The following DLGAP2 variants were observed in gnomAD, a reference collection of about 807,000 sequenced individuals.
DLGAP2 encodes disks large-associated protein 2.
In DLGAP2, 26 loss-of-function variants were observed where a neutral mutation model predicts 100.3. The ratio of observed to expected loss-of-function variants is 0.26; its 90% CI spans 0.19 to 0.36. DLGAP2 has a LOEUF of 0.36. Among genes scored for constraint, DLGAP2 ranks in the 10% least tolerant of loss-of-function variants. The pLI is 1.00. For missense variants in DLGAP2, 1,858 were observed against 1,453.2 expected (o/e 1.28, Z -4.53); for synonymous variants, 886 against 630.1 (o/e 1.41, Z -6.08).
chr8:1,519,390 T>C (rs1800509911), intron 4 of DLGAP2, among the ~76,000 whole-genome samples: 2 of 152,204 alleles, frequency 1.3e-5, no homozygotes, highest in Admixed American at 6.5e-5. Context: ...ATTCAGTGTT[T>C]TGCACGACAA....
chr8:801,463 G>T (rs1796150085), intron 1 of DLGAP2, among the ~76,000 whole-genome samples: 1 of 152,218 alleles, frequency 6.6e-6, no homozygotes, highest in African/African-American at 2.4e-5. Flanking sequence ...CATTAGGATG[G>T]AGCATACGTA....
chr8:1,261,969 G>A (rs1262138729), intron 3 of DLGAP2, among the ~76,000 whole-genome samples: 1 of 152,180 alleles, frequency 6.6e-6, no homozygotes, highest in Non-Finnish European at 1.5e-5. Context: ...CATCCAGAAG[G>A]TTAAGGCACC....
intron 3 of DLGAP2, among the ~76,000 whole-genome samples, chr8:1,438,074 C>G (rs559887265): frequency 1.3e-5 from 2 of 152,228 alleles, no homozygotes; most frequent in African/African-American, 4.8e-5. Context: ...GAGTTGTGGG[C>G]TGTTTTCACT....
At chr8:1,062,912 C>G (rs955838601) in intron 2 of DLGAP2, among the ~76,000 whole-genome samples, 1 of 152,180 alleles carries the variant, frequency 6.6e-6, no homozygotes, top group African/African-American at 2.4e-5. Context: ...CAATTTGTAA[C>G]GCAGGAGCTG....
At chr8:1,430,755 G>T (rs1028762195) in intron 3 of DLGAP2, among the ~76,000 whole-genome samples, 2 of 152,126 alleles carry the variant, frequency 1.3e-5, no homozygotes, top group South Asian at 2.1e-4. Flanking sequence ...TCAACCTGCA[G>T]ATCCAAAAAT....
intron 2 of DLGAP2, among the ~76,000 whole-genome samples, chr8:1,010,203 G>C (rs556057879): frequency 6.6e-6 from 1 of 152,022 alleles, no homozygotes; most frequent in Admixed American, 6.5e-5. Flanking sequence ...ATGCACATGT[G>C]CACACTCAGA....
At chr8:1,186,796 C>T (rs1224336587) in intron 2 of DLGAP2, among the ~76,000 whole-genome samples, 1 of 152,174 alleles carries the variant, frequency 6.6e-6, no homozygotes, top group Non-Finnish European at 1.5e-5. Context: ...TCATGGAAGC[C>T]ACCTGCAGGA....
chr8:1,680,100 C>T (rs1165318306), intron 12 of DLGAP2, among the ~76,000 whole-genome samples: 1 of 151,528 alleles, frequency 6.6e-6, no homozygotes, highest in African/African-American at 2.4e-5. Context: ...CATAATTGCA[C>T]AATACCTACA....
intron 1 of DLGAP2, among the ~76,000 whole-genome samples, chr8:767,135 T>A (rs1821234621): frequency 6.6e-6 from 1 of 152,146 alleles, no homozygotes; most frequent in African/African-American, 2.4e-5. Context: ...GTGTCCTGGT[T>A]ATGAGCCGTG....
chr8:774,620 G>T (rs1290267622), intron 1 of DLGAP2, among the ~76,000 whole-genome samples: 153 of 140,402 alleles, frequency 1.1e-3, no homozygotes, highest in South Asian at 3.3e-3. Context: ...TTTCCCCATT[G>T]CTTGTTTTTC....
intron 3 of DLGAP2, among the ~76,000 whole-genome samples, chr8:1,487,366 A>C (rs1371827201): frequency 6.6e-6 from 1 of 152,244 alleles, no homozygotes; most frequent in Non-Finnish European, 1.5e-5. Flanking sequence ...TCAGGGAAGA[A>C]AACAACCAAC....
chr8:840,818 C>G (rs1585920085), intron 1 of DLGAP2, among the ~76,000 whole-genome samples: 1 of 152,264 alleles, frequency 6.6e-6, no homozygotes, highest in Non-Finnish European at 1.5e-5. Flanking sequence ...ACTCTCGATT[C>G]TGTGAACACG....
At chr8:1,113,235 TAA>T (rs1309400622) in intron 2 of DLGAP2, among the ~76,000 whole-genome samples, 1 of 152,234 alleles carries the variant, frequency 6.6e-6, no homozygotes, top group Non-Finnish European at 1.5e-5. Context: ...TCTAGTTCTG[TAA>T]AGAGTGTCAT....
intron 2 of DLGAP2, among the ~76,000 whole-genome samples, chr8:1,172,726 C>T (rs992101444): frequency 2.0e-5 from 3 of 152,202 alleles, no homozygotes; most frequent in African/African-American, 7.2e-5. Flanking sequence ...CCTTGGCTTT[C>T]AGCTCCATCA....
At chr8:1,211,980 G>T (rs1414991605) in intron 2 of DLGAP2, among the ~76,000 whole-genome samples, 1 of 152,230 alleles carries the variant, frequency 6.6e-6, no homozygotes, top group Non-Finnish European at 1.5e-5. Context: ...TCTGACTGGC[G>T]CTGTGGAAAC....
At chr8:1,249,410 A>G (rs1798987954) in intron 2 of DLGAP2, among the ~76,000 whole-genome samples, 1 of 152,112 alleles carries the variant, frequency 6.6e-6, no homozygotes, top group African/African-American at 2.4e-5. Flanking sequence ...GTGTTTCTGA[A>G]CTACTGAGGC....
chr8:1,086,465 C>T (rs1186456484), intron 2 of DLGAP2, among the ~76,000 whole-genome samples: 1 of 152,074 alleles, frequency 6.6e-6, no homozygotes, highest in Non-Finnish European at 1.5e-5. Context: ...CTAATCAAAA[C>T]ACATAGAGTG....
chr8:772,137 G>A (rs1435523504), intron 1 of DLGAP2, among the ~76,000 whole-genome samples: 1 of 152,156 alleles, frequency 6.6e-6, no homozygotes, highest in Non-Finnish European at 1.5e-5. Flanking sequence ...CTGGGCTGAA[G>A]CGATTCTCCT....
At chr8:1,584,583 A>G (rs550357199) in intron 6 of DLGAP2, among the ~76,000 whole-genome samples, 15 of 152,280 alleles carry the variant, frequency 9.9e-5, no homozygotes, top group Middle Eastern at 3.4e-3. Context: ...ACGTGCAGAG[A>G]GAGCATTTGC....
Sources: allele counts gnomAD v4.1 joint callset (sites outside exome capture counted in the v4.1 genomes callset), GRCh38; gene constraint gnomAD v4.1.1; transcripts MANE v1.5; gene names NCBI Gene and HGNC (gene_info 2026-07-23, HGNC 2026-07-21).